Variants in KANK4 observed in about 807,000 individuals in gnomAD.
KANK4 encodes KN motif and ankyrin repeat domain-containing protein 4.
In KANK4, 50 loss-of-function variants were observed where a neutral mutation model predicts 80.8. The ratio of observed to expected loss-of-function variants is 0.62; its 90% CI spans 0.49 to 0.78. KANK4 has a LOEUF of 0.78. Among genes scored for constraint, KANK4 ranks in the 30% least tolerant of loss-of-function variants. The probability of loss-of-function intolerance (pLI) is 0.00; values close to 1 mark genes in which losing one functional copy is unlikely to be tolerated. For missense variants in KANK4, 1,196 were observed against 1,240.1 expected (o/e 0.96, Z 0.53); for synonymous variants, 465 against 506.9 (o/e 0.92, Z 1.11).
rs200377344 is a variant in KANK4 at position 62,302,018 on chromosome 1, G to A, written c.-71+17088C>T. 2.6e-5 allele frequency among the ~76,000 whole-genome samples: 4 copies of A among 152,020 alleles called. No homozygotes were observed. The East Asian group carries it at 5.8e-4, about 22-fold the overall frequency. On this transcript the variant is annotated intron_variant, in intron 1 of 9. Coordinates refer to ENST00000371153, the MANE Select transcript of KANK4 (RefSeq NM_181712.5). ...CAGGTAAGAAGGAAGAGCCAGGATG[G>A]GGTACAGCTCAGAAACACAAAGGGG...
At chr1:62,297,583 G>C (rs1404619226) in intron 1 of KANK4, among the ~76,000 whole-genome samples, 3 of 150,644 alleles carry the variant, frequency 2.0e-5, no homozygotes, top group Non-Finnish European at 3.0e-5. Context: ...CCAGATAGAA[G>C]GATTTAGCAA....
intron 4 of KANK4, among the ~76,000 whole-genome samples, chr1:62,270,693 C>A (rs1347558226): frequency 6.6e-6 from 1 of 152,080 alleles, no homozygotes; most frequent in East Asian, 1.9e-4. Context: ...CCCAGTTCAT[C>A]ATTTCTGATG....
chr1:62,242,180 T>C (rs1030258169), intron 9 of KANK4, among the ~76,000 whole-genome samples: 3 of 151,584 alleles, frequency 2.0e-5, no homozygotes, highest in Non-Finnish European at 4.4e-5. Flanking sequence ...GTGCAAAATT[T>C]GCGTGTAACT....
Position 62,236,688 on chromosome 1 carries a change from G to A in KANK4, c.*1589C>T, listed in dbSNP as rs931931799. ...CGGCTCACTGAAACCTCCGCCTCCC[G>A]GGTTCAAGTGAGTCTCCTGCCTCAG... On this transcript the variant is annotated 3_prime_UTR_variant, in exon 10 of 10. Coordinates refer to ENST00000371153, the MANE Select transcript of KANK4 (RefSeq NM_181712.5). 3.4e-5 allele frequency among the ~76,000 whole-genome samples: 5 copies of A among 147,146 alleles called. No homozygotes were observed. Among genetic ancestry groups the A allele is most frequent in the African/African-American group, 1.3e-4 (5 of 39,616 alleles).
In KANK4 at chr1:62,305,999, T is replaced by C. The variant is rs566271675; in HGVS notation, c.-71+13107A>G. 5.4e-3 allele frequency among the ~76,000 whole-genome samples: 814 copies of C among 150,646 alleles called. 17 individuals are homozygous for C. The South Asian group carries it at 0.065, about 12-fold the overall frequency. On this transcript the variant is annotated intron_variant, in intron 1 of 9. Coordinates refer to ENST00000371153, the MANE Select transcript of KANK4 (RefSeq NM_181712.5). ...TTACAGACTCTCTCTCTCTCTCTCT[T>C]TTTAACACAAGGTCCTGTTCTGCTG...
chr1:62,259,913 T>C (rs1212718011), intron 7 of KANK4, among the ~76,000 whole-genome samples: 1 of 152,130 alleles, frequency 6.6e-6, no homozygotes, highest in Non-Finnish European at 1.5e-5. Flanking sequence ...GACAGCCCCA[T>C]ACAGCTTTCC....
intron 2 of KANK4, among the ~76,000 whole-genome samples, chr1:62,275,636 T>A (rs1440436507): frequency 1.3e-5 from 2 of 152,180 alleles, no homozygotes; most frequent in African/African-American, 4.8e-5. Flanking sequence ...TTACATTATT[T>A]AAGCTTGTGC....
intron 1 of KANK4, among the ~76,000 whole-genome samples, chr1:62,282,851 T>C (rs756711725): frequency 2.0e-5 from 3 of 152,208 alleles, no homozygotes; most frequent in Non-Finnish European, 4.4e-5. Context: ...ATTGGCACAC[T>C]GAGTACCTTG....
chr1:62,293,062 T>TTGTG (rs5774593), intron 1 of KANK4, among the ~76,000 whole-genome samples: 2,445 of 146,716 alleles, frequency 0.017, 27 homozygotes, highest in Non-Finnish European at 0.024. Context: ...GTCTCAATCT[T>TTGTG]TGTGTGTGTG....
chr1:62,246,018 T>C lies in KANK4; in HGVS notation c.2883+1454A>G, dbSNP rs532971179. On this transcript the variant is annotated intron_variant, in intron 9 of 9. Coordinates refer to ENST00000371153, the MANE Select transcript of KANK4 (RefSeq NM_181712.5). ...CCGGGTTCCACTAGCTGAGTAATCT[T>C]GGGTATGTAACCTAACCATTTGATG... 2.8e-4 allele frequency among the ~76,000 whole-genome samples: 42 copies of C among 152,290 alleles called. 1 individual carries two copies. Among genetic ancestry groups the C allele is most frequent in the Admixed American group, 1.4e-3 (21 of 15,278 alleles).
chr1:62,285,807 T>C (rs1335868672), intron 1 of KANK4, among the ~76,000 whole-genome samples: 3 of 151,858 alleles, frequency 2.0e-5, no homozygotes, highest in African/African-American at 7.3e-5. Context: ...AAATCACCTG[T>C]ACCTTGGACT....
intron 4 of KANK4, among the ~76,000 whole-genome samples, chr1:62,269,788 T>A (rs2366205): frequency 0.039 from 5,950 of 151,250 alleles, 375 homozygotes; most frequent in African/African-American, 0.14. Flanking sequence ...GAATAAAATT[T>A]AAAAAAAAAG....
At chr1:62,248,266 T>C (rs968860479) in intron 8 of KANK4, among the ~76,000 whole-genome samples, 8 of 152,250 alleles carry the variant, frequency 5.3e-5, no homozygotes, top group African/African-American at 7.2e-5. Flanking sequence ...TCTGTAATCA[T>C]AGGTGGACGT....
At chr1:62,262,917 A>C (rs1008593099) in intron 7 of KANK4, among the ~76,000 whole-genome samples, 175 bp downstream of exon 7, 1 of 152,184 alleles carries the variant, frequency 6.6e-6, no homozygotes, top group Non-Finnish European at 1.5e-5. Context: ...GGTACCATGT[A>C]TGCTATTTGG....
chr1:62,269,142 C>T (rs116811882), intron 4 of KANK4, among the ~76,000 whole-genome samples: 1,791 of 152,324 alleles, frequency 0.012, 31 homozygotes, highest in Middle Eastern at 0.068. Context: ...GAGCACAGGC[C>T]ACTTGACTCG....
At chr1:62,312,731 A>G (rs1644507414) in intron 1 of KANK4, among the ~76,000 whole-genome samples, 1 of 152,262 alleles carries the variant, frequency 6.6e-6, no homozygotes, top group Non-Finnish European at 1.5e-5. Flanking sequence ...CTTGCAGAGA[A>G]CCAGCTCAGA....
intron 1 of KANK4, among the ~76,000 whole-genome samples, chr1:62,306,114 AG>A (rs1350194218): frequency 9.9e-5 from 15 of 151,968 alleles, no homozygotes; most frequent in Admixed American, 3.3e-4. Context: ...TCTCCTAAGT[AG>A]GTGGGACTAC....
In KANK4 at chr1:62,237,393, G is replaced by A. The variant is rs1279078958; in HGVS notation, c.*884C>T. On this transcript the variant is annotated 3_prime_UTR_variant, in exon 10 of 10. Coordinates refer to ENST00000371153, the MANE Select transcript of KANK4 (RefSeq NM_181712.5). ...GGAATTACCATGAGGTAATGGATAC[G>A]GCTATGCAGGTGGCTTCTTGATGAC... is the stretch of plus-strand genomic sequence containing the variant. 1.3e-5 allele frequency: 2 copies of A among 152,102 alleles called. No homozygotes were observed. Among genetic ancestry groups the A allele is most frequent in the African/African-American group, 4.8e-5 (2 of 41,396 alleles). 9.4% of individuals were successfully genotyped at this position (152,102 alleles called of 1,614,324 possible). A position where few individuals can be genotyped will look rare whatever the true frequency, so the allele number is the denominator to read the frequency against.
chr1:62,241,774 A>G (rs11207943), intron 9 of KANK4, among the ~76,000 whole-genome samples: 54,106 of 152,122 alleles, frequency 0.36, 10,353 homozygotes, highest in Non-Finnish European at 0.43. Flanking sequence ...GTAGGCCCGA[A>G]TTCCTGCTCC....
Sources: gnomAD v4.1 joint callset for allele counts (sites outside exome capture counted in the v4.1 genomes callset) on GRCh38, gnomAD v4.1.1 for gene constraint, MANE v1.5 for transcripts, NCBI Gene and HGNC (gene_info 2026-07-23, HGNC 2026-07-21) for gene names.